Variants in CRY2 observed in about 807,000 individuals in gnomAD.
CRY2 encodes the protein cryptochrome-2.
CRY2 carries 31 observed loss-of-function variants against 69.5 expected under a neutral mutation model. The observed-to-expected ratio is 0.45, with a 90% confidence interval of 0.34 to 0.60. The LOEUF (loss-of-function observed/expected upper bound fraction) is 0.60. Ranked by LOEUF, CRY2 falls within the 20% of genes least tolerant of loss-of-function variation. CRY2 has a pLI of 0.02. For missense variants in CRY2, 606 were observed against 797.8 expected (o/e 0.76, Z 2.90); for synonymous variants, 303 against 312.2 (o/e 0.97, Z 0.31).
chr11:45,852,224 G>A (rs2086203493), intron 1 of CRY2, among the ~76,000 whole-genome samples: 1 of 152,194 alleles, frequency 6.6e-6, no homozygotes, highest in South Asian at 2.1e-4. Flanking sequence ...TCTGAATTTT[G>A]GCCATGTGAG....
At chr11:45,876,998 C>G (rs982462833) in intron 11 of CRY2, among the ~76,000 whole-genome samples, 2 of 152,188 alleles carry the variant, frequency 1.3e-5, no homozygotes, top group African/African-American at 2.4e-5. Flanking sequence ...CTGTTCCTGC[C>G]TTTAAAATCA....
chr11:45,859,839 C>T (rs550537482), intron 3 of CRY2, among the ~76,000 whole-genome samples: 9 of 151,952 alleles, frequency 5.9e-5, no homozygotes, highest in African/African-American at 2.2e-4. Flanking sequence ...CCCCCACTTC[C>T]CAACCCAGTG....
At chr11:45,864,446 G>A (rs2086313402) in intron 5 of CRY2, among the ~76,000 whole-genome samples, 1 of 151,566 alleles carries the variant, frequency 6.6e-6, no homozygotes, top group Non-Finnish European at 1.5e-5. Context: ...AACATGACAA[G>A]CCCTCATCTC....
rs1252538470 is a variant in CRY2, at chr11:45,858,868, G to A, written c.462G>A (p.Leu154=). The stretch of plus-strand genomic sequence containing the variant: ...AGAATTCTCATACCCTCTATGACCT[G>A]GACAGGTAAGAGATGGGGCCCAGGG... ...VTENSHTLYD[L]DRIIELNGQK... is the part of the protein sequence containing the mutation. The change falls in exon 3 of 12, where the codon CTG becomes CTA. Residue 154 remains leucine (L), a synonymous_variant. Transcript: ENST00000616080. 6.2e-7 allele frequency: 1 copy of A among 1,613,290 alleles called. No homozygotes were observed. Among genetic ancestry groups the A allele is most frequent in the East Asian group, 2.2e-5 (1 of 44,884 alleles).
intron 1 of CRY2, among the ~76,000 whole-genome samples, chr11:45,849,266 A>G (rs1016221305): frequency 6.6e-5 from 10 of 152,206 alleles, no homozygotes; most frequent in African/African-American, 1.4e-4. Context: ...TGATCGTGCT[A>G]TCAATCTAGT....
chr11:45,858,460 T>A, intron 2 of CRY2: 1 of 394,424 alleles, frequency 2.5e-6, no homozygotes. Context: ...TTCTCCTACC[T>A]CAAGGACACA....
At chr11:45,860,436 C>G (rs1391614081) in intron 3 of CRY2, among the ~76,000 whole-genome samples, 1 of 147,876 alleles carries the variant, frequency 6.8e-6, no homozygotes, top group Non-Finnish European at 1.5e-5. Context: ...AAAGAACTTT[C>G]TCCAGGGCTT....
At chr11:45,850,727 A>G (rs2086193353) in intron 1 of CRY2, among the ~76,000 whole-genome samples, 1 of 152,162 alleles carries the variant, frequency 6.6e-6, no homozygotes, top group African/African-American at 2.4e-5. Context: ...TAGCTCTGCA[A>G]CTGCTTAAGT....
At chr11:45,865,233 T>G (rs538746984) in intron 5 of CRY2, among the ~76,000 whole-genome samples, 30 of 152,152 alleles carry the variant, frequency 2.0e-4, no homozygotes, top group Non-Finnish European at 2.9e-4. Context: ...ATGCAGAACG[T>G]GTTTATTATA....
rs973201481 is a variant in CRY2, at chr11:45,860,983, C to T, written c.603C>T (p.Ile201=). Residue 201 remains isoleucine, a synonymous_variant, in exon 4 of 12, where the codon ATC becomes ATT. Coordinates refer to ENST00000616080, the MANE Select transcript of CRY2 (RefSeq NM_021117.5). ...AGATGGAGAGCTGCAGGGCCGAGAT[C>T]CAGGAGAACCACGACGAGACCTACG... The part of the protein sequence containing the change: ...SQQMESCRAE[I]QENHDETYGV... 5.0e-6 allele frequency: 8 copies of T among 1,613,936 alleles called. No homozygotes were observed. Among genetic ancestry groups the T allele is most frequent in the Non-Finnish European group, 6.8e-6 (8 of 1,180,040 alleles).
intron 8 of CRY2, 34 bp downstream of exon 8, chr11:45,870,238 CCA>C: frequency 6.2e-7 from 1 of 1,610,202 alleles, no homozygotes; most frequent in African/African-American, 1.3e-5. Flanking sequence ...TGGCCTCTGA[CCA>C]CTGTGGCCTC....
chr11:45,869,743 C>T lies in CRY2; in HGVS notation c.1120C>T (p.His374Tyr), dbSNP rs2086360752. 1 of 1,613,942 alleles carries T rather than the reference C, an allele frequency of 6.2e-7. No individual in the cohort carries two copies. Among genetic ancestry groups the T allele is most frequent in the Non-Finnish European group, 8.5e-7 (1 of 1,179,932 alleles). Reference sequence around the variant, plus strand: ...ACTGAGGCAGGAGGGCTGGATCCACCACCTGGCCCGGCATGCCGTGGCCTG... The same window carrying T: ...ACTGAGGCAGGAGGGCTGGATCCACTACCTGGCCCGGCATGCCGTGGCCTG... ...TQLRQEGWIH[H>Y]LARHAVACFL... The change falls in exon 7 of 12, where the codon CAC (histidine) becomes TAC (tyrosine). Residue 374 changes from histidine (H) to tyrosine (Y), a missense_variant. By Grantham distance (83) the His-to-Tyr change is moderately conservative. Transcript: ENST00000616080.
intron 1 of CRY2, among the ~76,000 whole-genome samples, chr11:45,850,116 C>T (rs895242598): frequency 6.6e-6 from 1 of 151,902 alleles, no homozygotes; most frequent in Non-Finnish European, 1.5e-5. Context: ...CTCAGCGATC[C>T]TCCTGCCTTA....
At position 45,881,274 on chromosome 11, in the gene CRY2, T is replaced by A. The variant is rs1443231351; in HGVS notation, c.*363T>A. 1 of 152,708 alleles carries A rather than the reference T, an allele frequency of 6.5e-6. No homozygotes were observed. Among genetic ancestry groups the A allele is most frequent in the East Asian group, 1.9e-4 (1 of 5,186 alleles). 9.5% of individuals were successfully genotyped at this position (152,708 alleles called of 1,614,324 possible). On this transcript the variant is annotated 3_prime_UTR_variant, in exon 12 of 12. Coordinates refer to ENST00000616080, the MANE Select transcript of CRY2 (RefSeq NM_021117.5). ...TAGGACCCTAGCTGGGATTCTGGCATCTGCCTCCCTAGACCTCCTTCCCTC... is the reference window on the plus strand; with the variant it reads ...TAGGACCCTAGCTGGGATTCTGGCAACTGCCTCCCTAGACCTCCTTCCCTC...
chr11:45,847,289 C>A (rs1228403314), upstream of CRY2: 3 of 1,497,262 alleles, frequency 2.0e-6, no homozygotes, highest in South Asian at 1.2e-5. Flanking sequence ...ATGGTAGGAA[C>A]GTGAGGGGGC....
intron 3 of CRY2, 115 bp downstream of exon 3, chr11:45,858,988 G>A: frequency 7.7e-7 from 1 of 1,301,716 alleles, no homozygotes. Flanking sequence ...CAGGAGGCAT[G>A]GCATCTTCTA....
intron 1 of CRY2, among the ~76,000 whole-genome samples, chr11:45,851,895 C>CA (rs1237086908): frequency 6.6e-6 from 1 of 152,104 alleles, no homozygotes; most frequent in Admixed American, 6.5e-5. Flanking sequence ...AGCCTGGACC[C>CA]AAAAGAATTC....
intron 1 of CRY2, among the ~76,000 whole-genome samples, chr11:45,855,191 A>G (rs2086230103): frequency 6.9e-6 from 1 of 144,076 alleles, no homozygotes. Context: ...GAAGATAGCT[A>G]TTGAGAAGTA....
At chr11:45,856,135 G>A (rs1252757531) in intron 2 of CRY2, 45 bp downstream of exon 2, 1 of 1,482,188 alleles carries the variant, frequency 6.7e-7, no homozygotes, top group East Asian at 2.3e-5. Context: ...TTCTGTCCCT[G>A]ACGGTTTCCC....
Sources: gnomAD v4.1 joint callset for allele counts (sites outside exome capture counted in the v4.1 genomes callset) on GRCh38, gnomAD v4.1.1 for gene constraint, MANE v1.5 for transcripts, NCBI Gene and HGNC (gene_info 2026-07-23, HGNC 2026-07-21) for gene names.